Variants in PDE7B observed in about 807,000 individuals in gnomAD.
PDE7B encodes the protein 3',5'-cyclic-AMP phosphodiesterase 7B.
Under a neutral mutation model 56.2 loss-of-function variants are expected in PDE7B, and 29 were observed. The ratio of observed to expected loss-of-function variants is 0.52; its 90% CI spans 0.38 to 0.70. The LOEUF is 0.70. Among genes scored for constraint, PDE7B ranks in the 30% least tolerant of loss-of-function variants. PDE7B has a pLI of 0.00. For missense variants in PDE7B, 490 were observed against 565.0 expected, an observed-to-expected ratio of 0.87 and a Z score of 1.35; for synonymous variants, 197 against 196.9, an observed-to-expected ratio of 1.00 and a Z score of 0.00.
In PDE7B at chr6:136,113,946, G is replaced by A. The variant is rs547803505; in HGVS notation, c.166+5132G>A. The stretch of plus-strand genomic sequence containing the variant: ...AGCAACACAAAGTGATTTCCACACC[G>A]GCTCAGCAGAGGAAGTGACATACAA... On this transcript the variant is annotated intron_variant, in intron 3 of 12. Coordinates refer to ENST00000308191, the MANE Select transcript of PDE7B (RefSeq NM_018945.4). Among the ~76,000 whole-genome samples the A allele has an allele frequency of 3.9e-5, 6 of 152,270 alleles. No individual in the cohort carries two copies. In the Middle Eastern group the frequency reaches 0.014, roughly 345 times the overall value.
At chr6:136,084,982 C>G (rs1777267587) in intron 2 of PDE7B, among the ~76,000 whole-genome samples, 1 of 152,202 alleles carries the variant, frequency 6.6e-6, no homozygotes, top group Non-Finnish European at 1.5e-5. Flanking sequence ...CTTCACCCCT[C>G]TTTCCCTCTA....
At chr6:135,965,248 G>A (rs1774976287) in intron 2 of PDE7B, among the ~76,000 whole-genome samples, 1 of 152,174 alleles carries the variant, frequency 6.6e-6, no homozygotes, top group Non-Finnish European at 1.5e-5. Flanking sequence ...AGTAACAGTG[G>A]TAGAGGCGGA....
At chr6:135,983,794 A>C (rs954234540) in intron 2 of PDE7B, among the ~76,000 whole-genome samples, 1 of 152,218 alleles carries the variant, frequency 6.6e-6, no homozygotes, top group Non-Finnish European at 1.5e-5. Flanking sequence ...AACACCCAGA[A>C]TCCATTTGAA....
intron 3 of PDE7B, among the ~76,000 whole-genome samples, chr6:136,134,388 G>C (rs1420197436): frequency 2.6e-5 from 4 of 152,114 alleles, no homozygotes; most frequent in African/African-American, 9.7e-5. Context: ...TCAACTCAAA[G>C]TTTGGTCACT....
At chr6:136,168,467 C>CCA (rs146569272) in intron 8 of PDE7B, among the ~76,000 whole-genome samples, 16,578 of 152,018 alleles carry the variant, frequency 0.11, 2,982 homozygotes, top group African/African-American at 0.38. Context: ...CCAGTGCACA[C>CCA]CACAGAACCT....
At chr6:136,087,842 A>G (rs927899538) in intron 2 of PDE7B, among the ~76,000 whole-genome samples, 5 of 152,214 alleles carry the variant, frequency 3.3e-5, no homozygotes, top group African/African-American at 1.2e-4. Flanking sequence ...GCCATGTGGC[A>G]AGCAGAGTTA....
At chr6:135,970,254 T>A (rs1017209097) in intron 2 of PDE7B, among the ~76,000 whole-genome samples, 1 of 151,954 alleles carries the variant, frequency 6.6e-6, no homozygotes, top group Admixed American at 6.6e-5. Context: ...AAAAGCAGGA[T>A]AAGGGGACAG....
intron 2 of PDE7B, among the ~76,000 whole-genome samples, chr6:136,098,690 G>A (rs1268729478): frequency 6.6e-6 from 1 of 151,958 alleles, no homozygotes; most frequent in East Asian, 1.9e-4. Flanking sequence ...ACTCACTTAT[G>A]TGACTGTCTT....
chr6:136,030,172 A>G (rs1266319505), intron 2 of PDE7B, among the ~76,000 whole-genome samples: 2 of 149,960 alleles, frequency 1.3e-5, no homozygotes, highest in African/African-American at 4.8e-5. Flanking sequence ...GGAAAAAATA[A>G]CACAGTGAAC....
chr6:135,968,768 C>T (rs1775042406), intron 2 of PDE7B, among the ~76,000 whole-genome samples: 1 of 152,120 alleles, frequency 6.6e-6, no homozygotes, highest in African/African-American at 2.4e-5. Flanking sequence ...CCATATTTGA[C>T]CCAGCAATCC....
At chr6:135,940,507 C>T (rs1379872955) in intron 1 of PDE7B, among the ~76,000 whole-genome samples, 1 of 152,218 alleles carries the variant, frequency 6.6e-6, no homozygotes, top group Admixed American at 6.5e-5. Flanking sequence ...ACTTGATAGA[C>T]ATTAATGGAG....
intron 1 of PDE7B, among the ~76,000 whole-genome samples, chr6:135,857,095 T>C (rs932685092): frequency 1.4e-5 from 2 of 140,662 alleles, no homozygotes; most frequent in Non-Finnish European, 3.1e-5. Context: ...TTCTCCCTCC[T>C]TTCCTCTCTC....
intron 2 of PDE7B, among the ~76,000 whole-genome samples, chr6:135,948,560 C>T (rs985931700): frequency 4.6e-5 from 7 of 151,798 alleles, no homozygotes; most frequent in Non-Finnish European, 5.9e-5. Context: ...AGGTGGTACA[C>T]GACTTAAGAA....
chr6:135,949,441 GTC>G (rs985915387), intron 2 of PDE7B, among the ~76,000 whole-genome samples: 54 of 152,154 alleles, frequency 3.5e-4, no homozygotes, highest in African/African-American at 8.2e-4. Flanking sequence ...CGCCAAATAT[GTC>G]TCTAATGAAT....
intron 1 of PDE7B, among the ~76,000 whole-genome samples, chr6:135,887,286 A>G (rs1050541583): frequency 5.3e-5 from 8 of 152,064 alleles, no homozygotes; most frequent in Admixed American, 6.6e-5. Context: ...TCCATAGTTA[A>G]TATTTGCAAA....
At chr6:135,965,989 G>C (rs1774990689) in intron 2 of PDE7B, among the ~76,000 whole-genome samples, 1 of 152,128 alleles carries the variant, frequency 6.6e-6, no homozygotes, top group South Asian at 2.1e-4. Context: ...AGGAAAAAGT[G>C]CCTGCAGTAT....
intron 9 of PDE7B, among the ~76,000 whole-genome samples, chr6:136,175,236 C>T (rs1778958166): frequency 1.3e-5 from 2 of 152,116 alleles, no homozygotes; most frequent in Non-Finnish European, 1.5e-5. Flanking sequence ...AATTGTTATA[C>T]AATAATATAT....
rs185762216 is a variant in PDE7B, at chr6:136,031,746, A to C, written c.83-76985A>C. Among the ~76,000 whole-genome samples the C allele has an allele frequency of 8.5e-3, 1,267 of 149,576 alleles. 24 individuals are homozygous for C. Among genetic ancestry groups the C allele is most frequent in the African/African-American group, 0.029 (1,149 of 39,644 alleles). ...AGAGCGAGACTCCGTCTCAAAAAAA[A>C]AAAAAAAAAAAGAAGGCTTGATTCC... On this transcript the variant is annotated intron_variant, in intron 2 of 12. Transcript: ENST00000308191.
chr6:136,108,107 C>G (rs965355410), intron 2 of PDE7B, among the ~76,000 whole-genome samples: 10 of 75,312 alleles, frequency 1.3e-4, no homozygotes, highest in Non-Finnish European at 1.7e-4. Context: ...AACCTGGCAA[C>G]AAAGCGAGAC....
Sources: allele counts gnomAD v4.1 joint callset (sites outside exome capture counted in the v4.1 genomes callset), GRCh38; gene constraint gnomAD v4.1.1; transcripts MANE v1.5; gene names NCBI Gene and HGNC (gene_info 2026-07-23, HGNC 2026-07-21).